The following EYA3 variants were observed in gnomAD, a reference collection of about 807,000 sequenced individuals.
EYA3 encodes the protein protein phosphatase EYA3.
A neutral mutation model predicts 80.0 loss-of-function variants in EYA3; 39 were observed. The ratio of observed to expected loss-of-function variants is 0.49; its 90% CI spans 0.38 to 0.64. EYA3 has a LOEUF of 0.64. EYA3 is among the 30% of genes least tolerant of loss of function. The pLI is 0.00. For synonymous variants in EYA3, 206 were observed against 232.8 expected, an observed-to-expected ratio of 0.88 and a Z score of 1.05; for missense variants, 523 against 676.1, an observed-to-expected ratio of 0.77 and a Z score of 2.51.
intron 2 of EYA3, among the ~76,000 whole-genome samples, 173 bp downstream of exon 2, chr1:28,057,821 T>C (rs980338351): frequency 6.6e-6 from 1 of 152,200 alleles, no homozygotes; most frequent in Non-Finnish European, 1.5e-5. Context: ...TAAATTTTCC[T>C]TAGACTCCTT....
At position 28,009,800 on chromosome 1, in the gene EYA3, G is replaced by A. The variant is rs1206898837; in HGVS notation, c.909+1147C>T. ...TAGAGGTTACCAGAGGTTAGAAGAA[G>A]GGGAGAATGGGGAGTTACTGCTTAA... On this transcript the variant is annotated intron_variant, in intron 10 of 17. Transcript: ENST00000373871. This position sits in a 1 kb window ranked among gnomAD's most constrained non-coding sequence, Gnocchi z 4.8. Among the ~76,000 whole-genome samples, 1 of 152,186 alleles carries A rather than the reference G, an allele frequency of 6.6e-6. No individual in the cohort carries two copies. The highest frequency in any genetic ancestry group is 1.5e-5 in the Non-Finnish European group (1 of 68,024).
chr1:28,074,248 A>G (rs1645127214), intron 1 of EYA3, among the ~76,000 whole-genome samples: 1 of 152,204 alleles, frequency 6.6e-6, no homozygotes, highest in African/African-American at 2.4e-5. Flanking sequence ...GAAATGGTGG[A>G]AGAATTCTAC....
At position 28,082,151 on chromosome 1, in the gene EYA3, AAG is replaced by A. The variant is rs147375874; in HGVS notation, c.-69+6371_-69+6372del. On this transcript the variant is annotated intron_variant, in intron 1 of 17. Coordinates refer to ENST00000373871, the MANE Select transcript of EYA3 (RefSeq NM_001990.4). ...CAGTATACTTAATGTCTCAATTAAT[AAG>A]AGTTAACATGAGAATTAAAATTAGT... Among the ~76,000 whole-genome samples, 1,395 of 152,218 alleles carry A rather than the reference AAG, an allele frequency of 9.2e-3. 10 individuals carry two copies. Among genetic ancestry groups the A allele is most frequent in the African/African-American group, 0.017 (698 of 41,570 alleles).
At chr1:27,995,630 G>T (rs1640400963) in intron 13 of EYA3, among the ~76,000 whole-genome samples, 1 of 151,732 alleles carries the variant, frequency 6.6e-6, no homozygotes, top group South Asian at 2.1e-4. Flanking sequence ...TAGCTATTTT[G>T]GGGGCTGGGG....
chr1:28,057,872 G>T, intron 2 of EYA3, 122 bp downstream of exon 2: 1 of 558,400 alleles, frequency 1.8e-6, no homozygotes, highest in Non-Finnish European at 2.9e-6. Context: ...TTCTTGAAAG[G>T]AAACAAGGAA....
At chr1:28,031,116 AAGT>A (rs1397048170) in intron 6 of EYA3, among the ~76,000 whole-genome samples, 1 of 152,220 alleles carries the variant, frequency 6.6e-6, no homozygotes, top group African/African-American at 2.4e-5. Flanking sequence ...TGTCCAAAAT[AAGT>A]AGGAGATAGC....
At chr1:28,035,731 G>T in intron 5 of EYA3, 51 bp from the exon 6 acceptor site, 1 of 1,564,042 alleles carries the variant, frequency 6.4e-7, no homozygotes, top group Non-Finnish European at 8.8e-7. Context: ...CTTTAGTAAC[G>T]AAAAATAGGT....
Position 28,000,030 on chromosome 1 carries a change from C to A in EYA3, c.1013G>T (p.Gly338Val), listed in dbSNP as rs750256943. ...CATTTCTTCCATTGTTAAACCTGAGCCAATCACTACTGTTGGGTCCTAGAA... is the reference window on the plus strand; with the variant it reads ...CATTTCTTCCATTGTTAAACCTGAGACAATCACTACTGTTGGGTCCTAGAA... Reference protein sequence around the residue: ...KYGKDPTVVIGSGLTMEEMIF... With the variant: ...KYGKDPTVVIVSGLTMEEMIF... The change falls in exon 12 of 18, where the codon GGC (glycine) becomes GTC (valine). Residue 338 changes from glycine to valine, a missense_variant. Gly to Val is a moderately radical substitution (Grantham distance 109). This residue lies in a region of EYA3 where 219 missense variants were observed against 332.8 expected (regional missense o/e 0.66). Transcript: ENST00000373871. 1 of 1,609,488 alleles carries A rather than the reference C, an allele frequency of 6.2e-7. No homozygotes were observed. Among genetic ancestry groups the A allele is most frequent in the Admixed American group, 1.7e-5 (1 of 59,354 alleles).
intron 13 of EYA3, among the ~76,000 whole-genome samples, chr1:27,995,361 A>G (rs1640370490): frequency 1.4e-5 from 2 of 146,718 alleles, no homozygotes; most frequent in South Asian, 4.4e-4. Context: ...ACAGCAAGCC[A>G]TATATGATCA....
In EYA3 at chr1:28,000,061, T is replaced by G. The variant is rs770348150; in HGVS notation, c.994-12A>C. ...ACTACTGTTGGGTCCTAGAAGACAA[T>G]AAGAAAAAATCAGCTTGACTTGGTA... On this transcript the variant is annotated splice_polypyrimidine_tract_variant and intron_variant, in intron 11 of 17. Transcript: ENST00000373871. The G allele has an allele frequency of 6.4e-7, 1 of 1,573,122 alleles. No individual in the cohort carries two copies. The highest frequency in any genetic ancestry group is 1.9e-5 in the Admixed American group (1 of 52,054).
intron 1 of EYA3, among the ~76,000 whole-genome samples, chr1:28,086,179 T>C (rs1022649661): frequency 1.3e-5 from 2 of 150,742 alleles, no homozygotes; most frequent in Admixed American, 1.3e-4. Context: ...CTTCTTGACT[T>C]AAAAAAAAAT....
At chr1:28,034,415 T>A (rs1444473707) in intron 6 of EYA3, among the ~76,000 whole-genome samples, 1 of 152,086 alleles carries the variant, frequency 6.6e-6, no homozygotes, top group Non-Finnish European at 1.5e-5. Flanking sequence ...TTTCAAAAGG[T>A]CCATTCAGTG....
chr1:28,001,388 T>C (rs1471734377), intron 11 of EYA3, among the ~76,000 whole-genome samples: 1 of 151,494 alleles, frequency 6.6e-6, no homozygotes, highest in Admixed American at 6.6e-5. Context: ...CCATGAAGCT[T>C]AGTGTTTGTT....
intron 1 of EYA3, among the ~76,000 whole-genome samples, chr1:28,081,631 G>A (rs1260571414): frequency 6.6e-6 from 1 of 151,908 alleles, no homozygotes; most frequent in East Asian, 1.9e-4. Context: ...CAATCTACTA[G>A]GAAAAAATTA....
At chr1:27,987,240 T>C (rs1379839873) in intron 16 of EYA3, among the ~76,000 whole-genome samples, 3 of 152,222 alleles carry the variant, frequency 2.0e-5, no homozygotes, top group Non-Finnish European at 4.4e-5. Flanking sequence ...TTATTTTCAC[T>C]TTCATTTAGC....
At chr1:28,060,875 G>A (rs1341012078) in intron 1 of EYA3, among the ~76,000 whole-genome samples, 4 of 152,264 alleles carry the variant, frequency 2.6e-5, no homozygotes, top group Admixed American at 6.5e-5. Context: ...TTAGCTGGGC[G>A]TGGTGGCGCA....
intron 1 of EYA3, among the ~76,000 whole-genome samples, chr1:28,065,512 C>T (rs1027285255): frequency 4.0e-5 from 6 of 151,704 alleles, no homozygotes; most frequent in Admixed American, 2.6e-4. Context: ...CCGCCCGCCT[C>T]GGCCTCCCAA....
chr1:28,064,109 C>G (rs1478664977), intron 1 of EYA3, among the ~76,000 whole-genome samples: 2 of 151,998 alleles, frequency 1.3e-5, no homozygotes, highest in Non-Finnish European at 2.9e-5. Flanking sequence ...AAACAAAACA[C>G]CAATAGGTTT....
At chr1:28,025,257 C>A (rs1180097608) in intron 7 of EYA3, among the ~76,000 whole-genome samples, 1 of 152,122 alleles carries the variant, frequency 6.6e-6, no homozygotes, top group Non-Finnish European at 1.5e-5. Context: ...TAACTTCTGC[C>A]TTAATTTCTA....
Sources: allele counts gnomAD v4.1 joint callset (sites outside exome capture counted in the v4.1 genomes callset), GRCh38; gene constraint gnomAD v4.1.1; regional missense constraint gnomAD v4.1.1; non-coding constraint Gnocchi (gnomAD v3.1); transcripts MANE v1.5; gene names NCBI Gene and HGNC (gene_info 2026-07-23, HGNC 2026-07-21).